Variants in C8B observed in about 807,000 individuals in gnomAD.
C8B encodes complement component C8 beta chain.
A neutral mutation model predicts 64.6 loss-of-function variants in C8B; 67 were observed. That is an observed-to-expected ratio of 1.04 (90% CI 0.85 to 1.27). The LOEUF (loss-of-function observed/expected upper bound fraction) is 1.27. Ranked by LOEUF, C8B falls within the 50% of genes most tolerant of loss-of-function variation. C8B has a pLI of 0.00. For missense variants in C8B, 790 were observed against 725.2 expected (o/e 1.09, Z -1.03); for synonymous variants, 284 against 257.7 (o/e 1.10, Z -0.98).
chr1:56,941,070 T>TGCTGCA lies in C8B; in HGVS notation c.1235-64_1235-59dup, dbSNP rs907137277. 1.9e-6 allele frequency: 3 copies of TGCTGCA among 1,593,302 alleles called. No individual in the cohort carries two copies. In the African/African-American group the frequency reaches 4.0e-5, roughly 21 times the overall value. ...AGATATCCCTTTGCCCCCTAGAATT[T>TGCTGCA]GCTGCAACCCAACCAACAATTTGGG... On this transcript the variant is annotated intron_variant, in intron 8 of 11. Coordinates refer to ENST00000371237, the MANE Select transcript of C8B (RefSeq NM_000066.4).
At chr1:56,946,862 C>T (rs984510210) in intron 6 of C8B, among the ~76,000 whole-genome samples, 1 of 152,174 alleles carries the variant, frequency 6.6e-6, no homozygotes, top group Non-Finnish European at 1.5e-5. Flanking sequence ...TCGGCCTAAT[C>T]CTAAATCCTT....
intron 9 of C8B, among the ~76,000 whole-genome samples, chr1:56,934,178 T>G (rs1644743380): frequency 6.6e-6 from 1 of 151,870 alleles, no homozygotes; most frequent in African/African-American, 2.4e-5. Context: ...TTTTTTTTCT[T>G]TTCTGATTAG....
chr1:56,940,455 G>A (rs1644835336), intron 9 of C8B, among the ~76,000 whole-genome samples: 1 of 151,722 alleles, frequency 6.6e-6, no homozygotes, highest in South Asian at 2.1e-4. Context: ...CTATAACCCT[G>A]GCTACTTAGG....
rs1553120321 is a variant in C8B, at chr1:56,965,398, A to AGAGAGTGTGTGTGTGT, written c.92+458_92+459insACACACACACACTCTC. 2.3e-3 allele frequency among the ~76,000 whole-genome samples: 329 copies of AGAGAGTGTGTGTGTGT among 142,664 alleles called. 1 individual carries two copies. The highest frequency in any genetic ancestry group is 6.9e-3 in the African/African-American group (259 of 37,686). 93.6% of individuals were successfully genotyped at this position (142,664 alleles called of 152,430 possible). On this transcript the variant is annotated intron_variant, in intron 1 of 11. Coordinates refer to ENST00000371237, the MANE Select transcript of C8B (RefSeq NM_000066.4). ...GGGGGTGAGAGAGAGAGAGAGAGAG[A>AGAGAGTGTGTGTGTGT]GTGTGTGTGTGTGTGTGTGTGTGTG... is the stretch of plus-strand genomic sequence containing the variant.
intron 6 of C8B, among the ~76,000 whole-genome samples, chr1:56,947,931 AAAAAC>A (rs765098065): frequency 9.0e-5 from 13 of 145,022 alleles, no homozygotes; most frequent in Admixed American, 6.2e-4. Flanking sequence ...ACTCTGTCTC[AAAAAC>A]AAAACAAAAC....
intron 1 of C8B, chr1:56,963,726 T>C (rs772477476): frequency 9.1e-6 from 3 of 331,214 alleles, no homozygotes; most frequent in East Asian, 1.7e-4. Context: ...GGGACACTTA[T>C]GTTTTCTGTT....
chr1:56,943,216 A>C (rs1390605186), intron 8 of C8B, among the ~76,000 whole-genome samples: 1 of 152,248 alleles, frequency 6.6e-6, no homozygotes, highest in East Asian at 1.9e-4. Flanking sequence ...TAGAAAAAGC[A>C]CACCCTCTAA....
At chr1:56,946,265 G>A (rs930461318) in intron 6 of C8B, among the ~76,000 whole-genome samples, 1 of 152,154 alleles carries the variant, frequency 6.6e-6, no homozygotes, top group African/African-American at 2.4e-5. Flanking sequence ...GCTTGGAAGA[G>A]CTTGCTCTTA....
In C8B at chr1:56,951,921, AT is replaced by A; in HGVS notation, c.666+126del. On this transcript the variant is annotated intron_variant, in intron 5 of 11. Coordinates refer to ENST00000371237, the MANE Select transcript of C8B (RefSeq NM_000066.4). ...CAATGTCTGGAGGAAGGAACTGCCCATTTTCACATATGAAGAAACTGAAGCT... is the reference window on the plus strand; with the variant it reads ...CAATGTCTGGAGGAAGGAACTGCCCATTTCACATATGAAGAAACTGAAGCT... The A allele has an allele frequency of 8.7e-6, 8 of 921,260 alleles. No homozygotes were observed. In the East Asian group the frequency reaches 2.2e-4, roughly 25 times the overall value. 57.1% of individuals were successfully genotyped at this position (921,260 alleles called of 1,614,324 possible).
chr1:56,931,755 C>A (rs575690878), intron 11 of C8B, 55 bp downstream of exon 11: 17 of 1,239,498 alleles, frequency 1.4e-5, no homozygotes, highest in East Asian at 2.3e-5. Flanking sequence ...CCTTGCTCTT[C>A]TTCTGGTGAA....
intron 1 of C8B, among the ~76,000 whole-genome samples, chr1:56,965,588 A>C (rs1338546232): frequency 6.6e-6 from 1 of 152,204 alleles, no homozygotes; most frequent in Non-Finnish European, 1.5e-5. Context: ...GGCTTTGTTC[A>C]GAATACAGAA....
chr1:56,959,470 G>T, intron 2 of C8B: 1 of 1,027,290 alleles, frequency 9.7e-7, no homozygotes, highest in Non-Finnish European at 1.5e-6. Flanking sequence ...CTCCTGAGTA[G>T]GAGTTTCAAA....
At chr1:56,959,522 A>T in intron 2 of C8B, 2 of 1,436,830 alleles carry the variant, frequency 1.4e-6, no homozygotes, top group African/African-American at 1.4e-5. Flanking sequence ...GGGAAATGTC[A>T]TCCTACCTGA....
chr1:56,946,892 C>A (rs537955132), intron 6 of C8B, among the ~76,000 whole-genome samples: 64 of 152,310 alleles, frequency 4.2e-4, no homozygotes, highest in Non-Finnish European at 8.2e-4. Flanking sequence ...AAAGCCATGC[C>A]AGCTGTGCTG....
intron 1 of C8B, among the ~76,000 whole-genome samples, chr1:56,962,843 G>T (rs1429658218): frequency 6.6e-6 from 1 of 152,114 alleles, no homozygotes; most frequent in Non-Finnish European, 1.5e-5. Flanking sequence ...AGTATTGCTT[G>T]TGTGTGCTTT....
intron 2 of C8B, among the ~76,000 whole-genome samples, chr1:56,957,816 G>A (rs1395967782): frequency 6.6e-6 from 1 of 151,928 alleles, no homozygotes; most frequent in Non-Finnish European, 1.5e-5. Context: ...GCCATGACAG[G>A]GGAGGCAGAG....
intron 1 of C8B, among the ~76,000 whole-genome samples, chr1:56,965,596 G>GA (rs551142578): frequency 2.0e-4 from 30 of 152,208 alleles, no homozygotes; most frequent in African/African-American, 6.5e-4. Context: ...TCAGAATACA[G>GA]AAAAAATATC....
chr1:56,955,483 A>G (rs551992156), intron 3 of C8B, among the ~76,000 whole-genome samples: 1 of 152,142 alleles, frequency 6.6e-6, no homozygotes, highest in African/African-American at 2.4e-5. Context: ...TTCCTTTCTT[A>G]TTAGTATATC....
In C8B at chr1:56,946,035, A is replaced by G; in HGVS notation, c.891T>C (p.Ser297=). ...GCTTGTAATGTGCTACTTCAAGGTC[A>G]GAGCGTGCATGCAGAAATACGCTTT... ...HTKSVFLHAR[S]DLEVAHYKLK... Residue 297 remains serine (S), a synonymous_variant, in exon 7 of 12, where the codon TCT becomes TCC. Transcript: ENST00000371237. The G allele has an allele frequency of 7.4e-6, 12 of 1,614,172 alleles. No individual in the cohort carries two copies. Among genetic ancestry groups the G allele is most frequent in the Non-Finnish European group, 1.0e-5 (12 of 1,180,010 alleles).
Sources: gnomAD v4.1 joint callset for allele counts (sites outside exome capture counted in the v4.1 genomes callset) on GRCh38, gnomAD v4.1.1 for gene constraint, MANE v1.5 for transcripts, NCBI Gene and HGNC (gene_info 2026-07-23, HGNC 2026-07-21) for gene names.